Variants in DGKB observed in about 807,000 individuals in gnomAD.
DGKB encodes the protein diacylglycerol kinase beta, also known as 90 kDa diacylglycerol kinase.
In DGKB, 67 loss-of-function variants were observed where a neutral mutation model predicts 114.3. The ratio of observed to expected loss-of-function variants is 0.59; its 90% CI spans 0.48 to 0.72. The LOEUF (loss-of-function observed/expected upper bound fraction) is 0.72, where lower values mean the gene tolerates loss of function less well. Ranked by LOEUF, DGKB falls within the 30% of genes least tolerant of loss-of-function variation. DGKB has a pLI of 0.00. For synonymous variants in DGKB, 398 were observed against 323.1 expected (o/e 1.23, Z -2.49); for missense variants, 907 against 975.2 (o/e 0.93, Z 0.93).
intron 21 of DGKB, among the ~76,000 whole-genome samples, chr7:14,432,313 T>C (rs559310834): frequency 6.6e-6 from 1 of 152,262 alleles, no homozygotes; most frequent in South Asian, 2.1e-4. Context: ...CAGGCAAAAA[T>C]GAGGAGTAGA....
chr7:14,323,663 G>T (rs1020564362), intron 23 of DGKB, among the ~76,000 whole-genome samples: 2 of 152,146 alleles, frequency 1.3e-5, no homozygotes, highest in African/African-American at 4.8e-5. Context: ...CAATGCAAAG[G>T]CTTTGAGATG....
chr7:14,612,648 G>T (rs184751255), intron 16 of DGKB, among the ~76,000 whole-genome samples: 1 of 151,962 alleles, frequency 6.6e-6, no homozygotes, highest in African/African-American at 2.4e-5. Context: ...TCATCTGCTT[G>T]CTTATTTTTG....
At chr7:14,790,941 G>A (rs1840582563) in intron 2 of DGKB, among the ~76,000 whole-genome samples, 1 of 152,002 alleles carries the variant, frequency 6.6e-6, no homozygotes, top group South Asian at 2.1e-4. Context: ...ACCATGAATT[G>A]TATATTGATC....
chr7:14,837,896 A>C (rs956934132), intron 2 of DGKB, among the ~76,000 whole-genome samples: 14 of 152,294 alleles, frequency 9.2e-5, no homozygotes, highest in African/African-American at 3.1e-4. Context: ...GAAATCTAGC[A>C]CTTTTCATGT....
rs568657924 is a variant in DGKB at position 14,382,211 on chromosome 7, T to C, written c.1836-36820A>G. Reference sequence around the variant, plus strand: ...AAAGAGCACAATTAGAAGAGGAGACTGGGGATATGCCTACCATGAATTTCT... The same window carrying C: ...AAAGAGCACAATTAGAAGAGGAGACCGGGGATATGCCTACCATGAATTTCT... On this transcript the variant is annotated intron_variant, in intron 21 of 25. Transcript: ENST00000402815. 4.6e-5 allele frequency among the ~76,000 whole-genome samples: 7 copies of C among 152,120 alleles called. No individual in the cohort carries two copies. The East Asian group carries it at 1.2e-3, about 25-fold the overall frequency.
intron 6 of DGKB, among the ~76,000 whole-genome samples, chr7:14,705,706 A>T (rs1442585022): frequency 6.6e-6 from 1 of 150,672 alleles, no homozygotes; most frequent in African/African-American, 2.4e-5. Context: ...TTTCATATCC[A>T]GCCAAACTAA....
At chr7:14,432,383 A>G (rs970360212) in intron 21 of DGKB, among the ~76,000 whole-genome samples, 4 of 152,158 alleles carry the variant, frequency 2.6e-5, no homozygotes, top group African/African-American at 9.7e-5. Flanking sequence ...GTGCAAAACA[A>G]TAGGCTGTAA....
chr7:14,171,264 GTCT>G (rs1780953736), intron 25 of DGKB, among the ~76,000 whole-genome samples: 1 of 152,174 alleles, frequency 6.6e-6, no homozygotes, highest in Admixed American at 6.6e-5. Flanking sequence ...ACTTTGTAGA[GTCT>G]TCTTAGTCTA....
intron 23 of DGKB, among the ~76,000 whole-genome samples, chr7:14,242,346 A>C (rs1793803376): frequency 6.6e-6 from 1 of 152,158 alleles, no homozygotes; most frequent in Admixed American, 6.5e-5. Flanking sequence ...CATTGTCCTG[A>C]AAGTGACCTC....
At chr7:14,381,025 G>A (rs532377615) in intron 21 of DGKB, among the ~76,000 whole-genome samples, 34 of 152,286 alleles carry the variant, frequency 2.2e-4, no homozygotes, top group African/African-American at 7.5e-4. Context: ...GGGGCACCTC[G>A]TAGTTGGAAG....
chr7:14,767,576 TTTTC>T (rs1836655589), intron 2 of DGKB, among the ~76,000 whole-genome samples: 1 of 151,910 alleles, frequency 6.6e-6, no homozygotes, highest in Admixed American at 6.6e-5. Context: ...ATTTTCTTAA[TTTTC>T]TTTTACATTT....
chr7:14,741,237 A>T (rs1832542421), intron 4 of DGKB, among the ~76,000 whole-genome samples: 1 of 152,216 alleles, frequency 6.6e-6, no homozygotes, highest in African/African-American at 2.4e-5. Flanking sequence ...ACATGCTGGC[A>T]AAGAGATAAA....
chr7:14,183,267 A>AAAATGTCC (rs1179665508), intron 23 of DGKB, among the ~76,000 whole-genome samples: 5 of 152,230 alleles, frequency 3.3e-5, no homozygotes, highest in Non-Finnish European at 1.5e-5. Context: ...ATTCGTCTTC[A>AAAATGTCC]AAATGTCCAT....
At chr7:14,971,114 T>C (rs566396641) in intron 1 of DGKB, among the ~76,000 whole-genome samples, 3 of 152,304 alleles carry the variant, frequency 2.0e-5, no homozygotes, top group Admixed American at 2.0e-4. Flanking sequence ...CTTCAATTGT[T>C]GGGATTAATT....
chr7:14,834,002 G>A (rs1846792268), intron 2 of DGKB, among the ~76,000 whole-genome samples: 1 of 152,078 alleles, frequency 6.6e-6, no homozygotes, highest in African/African-American at 2.4e-5. Flanking sequence ...GCTGAATAAT[G>A]AATACAGTTA....
At chr7:14,876,675 C>T (rs922254368) in intron 1 of DGKB, among the ~76,000 whole-genome samples, 7 of 152,132 alleles carry the variant, frequency 4.6e-5, no homozygotes, top group African/African-American at 1.7e-4. Flanking sequence ...GGTTGCTTTC[C>T]TGGACTCGTT....
chr7:14,962,575 A>G (rs899720176), intron 1 of DGKB, among the ~76,000 whole-genome samples: 1 of 151,986 alleles, frequency 6.6e-6, no homozygotes. Flanking sequence ...GTGCTTTCAC[A>G]TAACAGATTA....
intron 13 of DGKB, among the ~76,000 whole-genome samples, chr7:14,669,083 G>C (rs1386742629): frequency 6.6e-6 from 1 of 152,092 alleles, no homozygotes; most frequent in African/African-American, 2.4e-5. Flanking sequence ...GGTGACACAG[G>C]CTTCTTACAC....
chr7:14,788,013 GT>G (rs1840138262), intron 2 of DGKB, among the ~76,000 whole-genome samples: 1 of 152,208 alleles, frequency 6.6e-6, no homozygotes, highest in South Asian at 2.1e-4. Context: ...TAAGACTGAG[GT>G]TATGACAGGA....
Sources: allele counts gnomAD v4.1 joint callset (sites outside exome capture counted in the v4.1 genomes callset), GRCh38; gene constraint gnomAD v4.1.1; transcripts MANE v1.5; gene names NCBI Gene and HGNC (gene_info 2026-07-23, HGNC 2026-07-21).